POLR1D: variants seen among roughly 807,000 people sequenced by gnomAD.
POLR1D encodes RNA polymerase I and III subunit D.
In POLR1D, 8 loss-of-function variants were observed where a neutral mutation model predicts 10.8. That is an observed-to-expected ratio of 0.74 (90% CI 0.43 to 1.33). POLR1D has a LOEUF of 1.33. Among genes scored for constraint, POLR1D ranks in the 40% most tolerant of loss-of-function variants. POLR1D has a pLI of 0.01. For synonymous variants in POLR1D, 54 were observed against 57.2 expected (o/e 0.94, Z 0.25); for missense variants, 152 against 161.7 (o/e 0.94, Z 0.32).
intron 1 of POLR1D, among the ~76,000 whole-genome samples, chr13:27,645,204 G>A (rs1956208121): frequency 6.6e-6 from 1 of 152,166 alleles, no homozygotes; most frequent in Admixed American, 6.5e-5. Flanking sequence ...TCCAGTATCA[G>A]CCTATCCCCC....
chr13:27,645,828 C>T (rs1956215600), intron 1 of POLR1D, among the ~76,000 whole-genome samples: 1 of 152,120 alleles, frequency 6.6e-6, no homozygotes, highest in Admixed American at 6.5e-5. Flanking sequence ...TACTCGTAAA[C>T]CAGAAGGCAT....
intron 1 of POLR1D, among the ~76,000 whole-genome samples, chr13:27,622,558 C>T (rs1231395309): frequency 6.6e-6 from 1 of 152,166 alleles, no homozygotes; most frequent in African/African-American, 2.4e-5. Context: ...CTAGCAGGAC[C>T]AGTCCTATTC....
intron 2 of POLR1D, among the ~76,000 whole-genome samples, chr13:27,648,996 G>C (rs554820559): frequency 2.6e-5 from 4 of 152,258 alleles, no homozygotes; most frequent in African/African-American, 9.6e-5. Context: ...AGGCCAAGGT[G>C]GGAGTATTGT....
At chr13:27,639,989 C>A (rs965905538) in intron 1 of POLR1D, among the ~76,000 whole-genome samples, 2 of 152,076 alleles carry the variant, frequency 1.3e-5, no homozygotes. Flanking sequence ...CATCCCAGGC[C>A]GTATCATTTA....
intron 1 of POLR1D, among the ~76,000 whole-genome samples, chr13:27,642,616 C>T (rs1366516284): frequency 6.6e-6 from 1 of 151,980 alleles, no homozygotes; most frequent in Non-Finnish European, 1.5e-5. Context: ...ATACCCAGAA[C>T]CCATTTATTC....
At chr13:27,638,993 G>T (rs1170138492) in intron 1 of POLR1D, among the ~76,000 whole-genome samples, 2 of 150,886 alleles carry the variant, frequency 1.3e-5, no homozygotes. Context: ...TCTACATTTT[G>T]AACAGCTATT....
chr13:27,621,428 C>G (rs1566139279), upstream of POLR1D: 1 of 152,372 alleles, frequency 6.6e-6, no homozygotes. Flanking sequence ...GACCCCCCTC[C>G]CTCTTCAAGG....
At chr13:27,638,692 C>T (rs890435240) in intron 1 of POLR1D, among the ~76,000 whole-genome samples, 1 of 152,176 alleles carries the variant, frequency 6.6e-6, no homozygotes, top group African/African-American at 2.4e-5. Flanking sequence ...ACCAGACTTT[C>T]TGCTGAATAG....
At chr13:27,665,957 T>C in exon 3 of POLR1D, 2 of 1,613,854 alleles carry the variant, frequency 1.2e-6, no homozygotes, top group Non-Finnish European at 1.7e-6. Flanking sequence ...GCGGTGAGGC[T>C]GGAACCAGGG....
At chr13:27,666,552 T>C (rs1956421048) in exon 3 of POLR1D, 1 of 152,258 alleles carries the variant, frequency 6.6e-6, no homozygotes, top group Non-Finnish European at 1.5e-5. Flanking sequence ...GTTTTGTTGT[T>C]TCCTGTGCAT....
downstream of POLR1D, among the ~76,000 whole-genome samples, chr13:27,624,066 G>A (rs1040625331): frequency 6.6e-6 from 1 of 152,090 alleles, no homozygotes; most frequent in Non-Finnish European, 1.5e-5. Flanking sequence ...CCATATAGGG[G>A]AAATGACTGT....
At chr13:27,661,843 G>A (rs573879320) in intron 2 of POLR1D, among the ~76,000 whole-genome samples, 219 of 152,268 alleles carry the variant, frequency 1.4e-3, no homozygotes, top group African/African-American at 4.9e-3. Flanking sequence ...TTAGTTTTAC[G>A]TCTGAGGACA....
At chr13:27,643,319 A>G (rs1164312258) in intron 1 of POLR1D, among the ~76,000 whole-genome samples, 1 of 152,170 alleles carries the variant, frequency 6.6e-6, no homozygotes, top group Non-Finnish European at 1.5e-5. Context: ...CAGTGTTCCT[A>G]TTGAGTTTTA....
chr13:27,629,125 A>G (rs1157089092), intron 1 of POLR1D, among the ~76,000 whole-genome samples: 1 of 152,184 alleles, frequency 6.6e-6, no homozygotes, highest in African/African-American at 2.4e-5. Flanking sequence ...TGCCCAGCCA[A>G]AATAGACCTT....
chr13:27,645,820 C>T (rs1956215474), intron 1 of POLR1D, among the ~76,000 whole-genome samples: 1 of 152,198 alleles, frequency 6.6e-6, no homozygotes, highest in South Asian at 2.1e-4. Flanking sequence ...TCTCTTTGTA[C>T]TCGTAAACCA....
intron 1 of POLR1D, among the ~76,000 whole-genome samples, chr13:27,647,438 G>T (rs766796383): frequency 2.6e-5 from 4 of 151,702 alleles, no homozygotes; most frequent in Non-Finnish European, 5.9e-5. Context: ...GCCCAGGCTG[G>T]TCTCAAACTC....
intron 1 of POLR1D, among the ~76,000 whole-genome samples, chr13:27,635,725 T>TATATAC (rs1378578175): frequency 3.0e-5 from 4 of 133,612 alleles, no homozygotes; most frequent in Middle Eastern, 4.0e-3. Context: ...TATATATATA[T>TATATAC]ACATACACAC....
intron 2 of POLR1D, chr13:27,650,406 T>C (rs1430067785): frequency 4.6e-6 from 1 of 216,316 alleles, no homozygotes; most frequent in Non-Finnish European, 9.1e-6. Flanking sequence ...ATGGATTACA[T>C]GACTGATCTC....
At chr13:27,631,248 G>T (rs1956070230) in intron 1 of POLR1D, among the ~76,000 whole-genome samples, 1 of 152,202 alleles carries the variant, frequency 6.6e-6, no homozygotes, top group Non-Finnish European at 1.5e-5. Flanking sequence ...CTTGAGGATT[G>T]CATGGGAGAC....
Sources: gnomAD v4.1 joint callset for allele counts (sites outside exome capture counted in the v4.1 genomes callset) on GRCh38, gnomAD v4.1.1 for gene constraint, MANE v1.5 for transcripts, NCBI Gene and HGNC (gene_info 2026-07-23, HGNC 2026-07-21) for gene names.